OPCML: variants seen among roughly 807,000 people sequenced by gnomAD.
OPCML encodes opioid-binding protein/cell adhesion molecule.
OPCML carries 13 observed loss-of-function variants against 37.8 expected under a neutral mutation model. That is an observed-to-expected ratio of 0.34 (90% confidence interval 0.22 to 0.55). OPCML has a LOEUF of 0.55. OPCML is among the 20% of genes least tolerant of loss of function. The pLI is 0.91. For missense variants in OPCML, 341 were observed against 435.6 expected, an observed-to-expected ratio of 0.78 and a Z score of 1.93; for synonymous variants, 176 against 168.8, an observed-to-expected ratio of 1.04 and a Z score of -0.33.
At chr11:133,319,328 G>T (rs1050612496) in intron 1 of OPCML, among the ~76,000 whole-genome samples, 1 of 152,256 alleles carries the variant, frequency 6.6e-6, no homozygotes, top group African/African-American at 2.4e-5. Context: ...CCCCAGTACT[G>T]CCTCTGAACT....
At chr11:132,620,971 T>C (rs545779619) in intron 3 of OPCML, among the ~76,000 whole-genome samples, 4 of 152,160 alleles carry the variant, frequency 2.6e-5, no homozygotes, top group African/African-American at 9.7e-5. Flanking sequence ...CCAGCTACAA[T>C]GGCAGAGGTA....
intron 1 of OPCML, among the ~76,000 whole-genome samples, chr11:132,952,068 G>A (rs1433780573): frequency 6.6e-6 from 1 of 152,190 alleles, no homozygotes; most frequent in Non-Finnish European, 1.5e-5. Context: ...ATTGTACCCA[G>A]CTGTTCCATG....
intron 1 of OPCML, among the ~76,000 whole-genome samples, chr11:133,156,258 A>C (rs11602730): frequency 0.33 from 50,743 of 151,932 alleles, 8,881 homozygotes; most frequent in African/African-American, 0.45. Context: ...CTTACTCAAC[A>C]TGTTACCTGG....
intron 1 of OPCML, among the ~76,000 whole-genome samples, chr11:133,233,728 G>T (rs1341031446): frequency 1.3e-5 from 2 of 152,066 alleles, no homozygotes; most frequent in Non-Finnish European, 2.9e-5. Context: ...TTCCTATGAA[G>T]CCCCTGCCCG....
chr11:132,805,642 G>C (rs1938958728), intron 2 of OPCML, among the ~76,000 whole-genome samples: 1 of 152,146 alleles, frequency 6.6e-6, no homozygotes, highest in Non-Finnish European at 1.5e-5. Flanking sequence ...GAAAGAAAGG[G>C]AAACAGTCAG....
intron 2 of OPCML, among the ~76,000 whole-genome samples, chr11:132,738,739 T>G (rs1945338161): frequency 6.6e-6 from 1 of 152,206 alleles, no homozygotes; most frequent in Non-Finnish European, 1.5e-5. Context: ...TTATTGAAAG[T>G]TGTTTGTTTT....
At chr11:132,797,684 T>C (rs150025683) in intron 2 of OPCML, among the ~76,000 whole-genome samples, 17 of 152,336 alleles carry the variant, frequency 1.1e-4, no homozygotes, top group African/African-American at 3.8e-4. Flanking sequence ...CATGCCTTAA[T>C]TTAAAAATAC....
chr11:133,282,841 G>A (rs956264715), intron 1 of OPCML, among the ~76,000 whole-genome samples: 10 of 152,232 alleles, frequency 6.6e-5, no homozygotes, highest in Non-Finnish European at 1.2e-4. Context: ...AGTCAAAGGA[G>A]ATTATATTGG....
chr11:132,608,534 C>G (rs1395921162), intron 3 of OPCML, among the ~76,000 whole-genome samples: 3 of 152,176 alleles, frequency 2.0e-5, no homozygotes, highest in Non-Finnish European at 2.9e-5. Context: ...AACCCAGACT[C>G]CAGGGTGTCA....
intron 1 of OPCML, chr11:133,423,332 T>A (rs1437236031): frequency 2.0e-6 from 2 of 985,296 alleles, no homozygotes; most frequent in Admixed American, 6.1e-5. Context: ...ACAATGGGCA[T>A]CTGTTGGTCA....
intron 1 of OPCML, chr11:133,297,704 T>G (rs757718287): frequency 1.6e-4 from 25 of 152,262 alleles, no homozygotes; most frequent in Middle Eastern, 3.2e-3. Flanking sequence ...TAGCCAGGAA[T>G]GGCAGCATTT....
intron 1 of OPCML, chr11:133,418,317 G>A: frequency 1.0e-6 from 1 of 985,318 alleles, no homozygotes; most frequent in South Asian, 4.7e-5. Flanking sequence ...CAGTCATAAT[G>A]CAGACTAGAT....
At chr11:133,014,235 T>C (rs1009935422) in intron 1 of OPCML, among the ~76,000 whole-genome samples, 1 of 152,206 alleles carries the variant, frequency 6.6e-6, no homozygotes, top group African/African-American at 2.4e-5. Flanking sequence ...TAAGTTGGAA[T>C]TCAAAAGCCA....
At chr11:133,168,856 C>T (rs542741310) in intron 1 of OPCML, among the ~76,000 whole-genome samples, 6 of 152,304 alleles carry the variant, frequency 3.9e-5, no homozygotes, top group African/African-American at 7.2e-5. Flanking sequence ...TGGCCAGGCA[C>T]GGTGGCTCAC....
chr11:133,136,381 TC>T (rs5795822), intron 1 of OPCML, among the ~76,000 whole-genome samples: 115,313 of 152,022 alleles, frequency 0.76, 44,039 homozygotes, highest in Admixed American at 0.85. Context: ...CCAACTTTTT[TC>T]CCCACTTTCT....
chr11:132,613,272 C>T (rs1938775835), intron 3 of OPCML, among the ~76,000 whole-genome samples: 1 of 152,166 alleles, frequency 6.6e-6, no homozygotes, highest in African/African-American at 2.4e-5. Context: ...TAAACCTTTG[C>T]CGGTGTACAA....
At chr11:133,378,484 A>G (rs1389044990) in intron 1 of OPCML, among the ~76,000 whole-genome samples, 2 of 152,146 alleles carry the variant, frequency 1.3e-5, no homozygotes, top group South Asian at 2.1e-4. Flanking sequence ...TCCACATGCA[A>G]TGAAGTCAGA....
chr11:132,853,764 T>C (rs1193778640), intron 2 of OPCML, among the ~76,000 whole-genome samples: 6 of 152,220 alleles, frequency 3.9e-5, no homozygotes, highest in African/African-American at 1.2e-4. Flanking sequence ...CATGTACAAG[T>C]ATTCATTCCT....
At chr11:133,089,765 T>TAA (rs558213786) in intron 1 of OPCML, among the ~76,000 whole-genome samples, 33 of 143,858 alleles carry the variant, frequency 2.3e-4, no homozygotes, top group African/African-American at 4.3e-4. Context: ...AACCAACCCC[T>TAA]AAAAAAAAAA....
Sources: gnomAD v4.1 joint callset for allele counts (sites outside exome capture counted in the v4.1 genomes callset) on GRCh38, gnomAD v4.1.1 for gene constraint, MANE v1.5 for transcripts, NCBI Gene and HGNC (gene_info 2026-07-23, HGNC 2026-07-21) for gene names.